CAPN8: variants seen among roughly 807,000 people sequenced by gnomAD.
CAPN8 encodes calpain 8, also known as calpain-8.
Under a neutral mutation model 80.9 loss-of-function variants are expected in CAPN8, and 87 were observed. The ratio of observed to expected loss-of-function variants is 1.07; its 90% CI spans 0.90 to 1.28. CAPN8 has a LOEUF of 1.28. Among genes scored for constraint, CAPN8 ranks in the 50% most tolerant of loss-of-function variants. The pLI is 0.00. For missense variants in CAPN8, 757 were observed against 702.0 expected, an observed-to-expected ratio of 1.08 and a Z score of -0.89; for synonymous variants, 299 against 273.8, an observed-to-expected ratio of 1.09 and a Z score of -0.91.
intron 1 of CAPN8, among the ~76,000 whole-genome samples, chr1:223,656,154 C>T (rs955199825): frequency 6.8e-6 from 1 of 147,362 alleles, no homozygotes; most frequent in Non-Finnish European, 1.5e-5. Context: ...TCTGGGCTGA[C>T]TTTTTTTTTT....
At position 223,544,022 on chromosome 1, in the gene CAPN8, C is replaced by A. The variant is rs1430279908; in HGVS notation, c.2029+45G>T. ...TTGGCCCTGCCCCTGCCCCACCTTG[C>A]ACCTTGGGATTAATAGGATGGGGCT... On this transcript the variant is annotated intron_variant, in intron 19 of 20. Coordinates refer to ENST00000366872, the MANE Select transcript of CAPN8 (RefSeq NM_001143962.2). The A allele has an allele frequency of 5.6e-6, 4 of 714,774 alleles. No homozygotes were observed. The East Asian group carries it at 1.1e-4, about 19-fold the overall frequency. 44.3% of individuals were successfully genotyped at this position (714,774 alleles called of 1,614,324 possible).
At chr1:223,553,939 G>C (rs987688596) in intron 13 of CAPN8, 39 bp from the exon 14 acceptor site, 2 of 398,488 alleles carry the variant, frequency 5.0e-6, no homozygotes, top group Non-Finnish European at 8.8e-6. Flanking sequence ...AATGGGAATC[G>C]TCAAGGAGAA....
At chr1:223,653,500 G>A (rs979147457) in intron 2 of CAPN8, among the ~76,000 whole-genome samples, 2 of 151,938 alleles carry the variant, frequency 1.3e-5, no homozygotes, top group Non-Finnish European at 2.9e-5. Context: ...TGATGCTGAG[G>A]TTTCTGTTTG....
chr1:223,546,123 T>C (rs780306489), intron 16 of CAPN8, among the ~76,000 whole-genome samples: 6 of 151,708 alleles, frequency 4.0e-5, no homozygotes, highest in Non-Finnish European at 5.9e-5. Context: ...TTTAACGCTG[T>C]GCTAGTCAAT....
At chr1:223,622,742 A>T (rs147376702) in intron 7 of CAPN8, 73 bp downstream of exon 7, 1 of 1,150,302 alleles carries the variant, frequency 8.7e-7, no homozygotes, top group East Asian at 2.6e-5. Flanking sequence ...CATCGATCTC[A>T]TTGTTGTGTG....
intron 1 of CAPN8, among the ~76,000 whole-genome samples, chr1:223,657,341 G>A (rs1658523103): frequency 6.6e-6 from 1 of 151,890 alleles, no homozygotes; most frequent in Non-Finnish European, 1.5e-5. Context: ...TAAGTAAAAA[G>A]AAAGAGAAAA....
rs761553611 is a variant in CAPN8 at position 223,549,530 on chromosome 1, G to T, written c.1700-148C>A. 7 of 1,260,318 alleles carry T rather than the reference G, an allele frequency of 5.6e-6. No homozygotes were observed. The South Asian group carries it at 9.0e-5, about 16-fold the overall frequency. The allele number at this position is 1,260,318 out of a possible 1,614,324, so 78.1% of individuals were successfully genotyped here. ...CCAAAAGGGGAGAGCATCATGGCAG[G>T]CTTGTGGGCAGATACGCCTGAGCCT... On this transcript the variant is annotated intron_variant, in intron 15 of 20. Transcript: ENST00000366872.
intron 1 of CAPN8, 147 bp from the exon 2 acceptor site, chr1:223,654,546 C>G (rs1658426888): frequency 1.4e-6 from 1 of 706,928 alleles, no homozygotes; most frequent in African/African-American, 1.8e-5. Flanking sequence ...TTGCTGAGGA[C>G]TCTGAAGCCC....
At chr1:223,620,790 C>T (rs1020434544) in intron 7 of CAPN8, among the ~76,000 whole-genome samples, 2 of 152,240 alleles carry the variant, frequency 1.3e-5, no homozygotes, top group East Asian at 1.9e-4. Flanking sequence ...CCCAGTTTTA[C>T]GGCAATTTCC....
chr1:223,620,434 GA>G (rs1353945864), intron 7 of CAPN8, among the ~76,000 whole-genome samples, 168 bp from the exon 8 acceptor site: 1 of 152,308 alleles, frequency 6.6e-6, no homozygotes, highest in African/African-American at 2.4e-5. Context: ...ACTGTCTGGG[GA>G]AGGGACACAG....
chr1:223,631,401 C>G (rs535507124), intron 2 of CAPN8, among the ~76,000 whole-genome samples: 1 of 152,274 alleles, frequency 6.6e-6, no homozygotes, highest in African/African-American at 2.4e-5. Flanking sequence ...TACCCCTATC[C>G]CTGGCCTGTC....
chr1:223,651,384 T>A (rs1032433588), intron 2 of CAPN8, among the ~76,000 whole-genome samples: 26 of 152,120 alleles, frequency 1.7e-4, no homozygotes, highest in Non-Finnish European at 8.8e-5. Context: ...ACAGGAAAAA[T>A]TACTTGAAAC....
At chr1:223,555,536 T>C (rs1656884105) in intron 13 of CAPN8, among the ~76,000 whole-genome samples, 1 of 152,236 alleles carries the variant, frequency 6.6e-6, no homozygotes, top group African/African-American at 2.4e-5. Flanking sequence ...GATTTTAAAG[T>C]GGTTTTATAG....
intron 2 of CAPN8, among the ~76,000 whole-genome samples, chr1:223,646,801 G>A (rs1432788545): frequency 1.3e-5 from 2 of 152,240 alleles, no homozygotes; most frequent in Non-Finnish European, 2.9e-5. Flanking sequence ...CACAGGCAGA[G>A]AGCAGAGCTG....
chr1:223,543,286 C>T (rs1057154565), intron 19 of CAPN8, 120 bp from the exon 20 acceptor site: 2 of 1,183,304 alleles, frequency 1.7e-6, no homozygotes, highest in East Asian at 2.6e-5. Flanking sequence ...CCCTACCACC[C>T]CCTCCCCTCC....
intron 2 of CAPN8, among the ~76,000 whole-genome samples, chr1:223,630,919 T>C (rs1657756304): frequency 1.3e-5 from 2 of 152,100 alleles, no homozygotes; most frequent in Admixed American, 1.3e-4. Flanking sequence ...ACCCAGCTCC[T>C]CTCAGCCCAT....
chr1:223,657,656 A>C (rs1658535809), intron 1 of CAPN8, among the ~76,000 whole-genome samples: 1 of 152,134 alleles, frequency 6.6e-6, no homozygotes, highest in East Asian at 1.9e-4. Context: ...AGTCCCAGCT[A>C]CTCAGGAGGC....
intron 8 of CAPN8, 59 bp from the exon 9 acceptor site, chr1:223,619,512 C>T (rs753009209): frequency 2.0e-4 from 312 of 1,535,306 alleles, no homozygotes; most frequent in Non-Finnish European, 2.6e-4. Context: ...ATTAAAGGCA[C>T]GCATACTGAG....
Position 223,619,199 on chromosome 1 carries a change from A to G in CAPN8, c.1135+94T>C, listed in dbSNP as rs376119064. The G allele has an allele frequency of 8.9e-6, 13 of 1,452,772 alleles. No individual in the cohort carries two copies. The African/African-American group carries it at 1.7e-4, about 19-fold the overall frequency. The allele number at this position is 1,452,772 out of a possible 1,614,324, so 90.0% of individuals were successfully genotyped here. A position where few individuals can be genotyped will look rare whatever the true frequency, so the allele number is the denominator to read the frequency against. ...ACAGAGCAAGGCCCTGTCTCAAAAAAACACACAAAATAGCACCAAAAAATT... is the reference window on the plus strand; with the variant it reads ...ACAGAGCAAGGCCCTGTCTCAAAAAGACACACAAAATAGCACCAAAAAATT... On this transcript the variant is annotated intron_variant, in intron 9 of 20. Transcript: ENST00000366872.
Sources: allele counts gnomAD v4.1 joint callset (sites outside exome capture counted in the v4.1 genomes callset), GRCh38; gene constraint gnomAD v4.1.1; transcripts MANE v1.5; gene names NCBI Gene and HGNC (gene_info 2026-07-23, HGNC 2026-07-21).